KCNQ5: variants seen among roughly 807,000 people sequenced by gnomAD.
KCNQ5 encodes the protein potassium voltage-gated channel subfamily KQT member 5.
A neutral mutation model predicts 98.2 loss-of-function variants in KCNQ5; 30 were observed. The observed-to-expected ratio is 0.31, with a 90% CI of 0.23 to 0.41. KCNQ5 has a LOEUF of 0.41. Ranked by LOEUF, KCNQ5 falls within the 10% of genes least tolerant of loss-of-function variation. The pLI is 1.00. For missense variants in KCNQ5, 835 were observed against 1,182.5 expected, an observed-to-expected ratio of 0.71 and a Z score of 4.31; for synonymous variants, 458 against 449.4, an observed-to-expected ratio of 1.02 and a Z score of -0.24.
intron 1 of KCNQ5, among the ~76,000 whole-genome samples, chr6:72,636,952 C>T (rs1341637144): frequency 6.6e-6 from 1 of 152,142 alleles, no homozygotes; most frequent in African/African-American, 2.4e-5. Context: ...TTCTCTTGAC[C>T]CCTTGGGAAA....
intron 1 of KCNQ5, among the ~76,000 whole-genome samples, chr6:72,780,761 A>G (rs1393936914): frequency 6.6e-6 from 1 of 152,180 alleles, no homozygotes; most frequent in Admixed American, 6.5e-5. Flanking sequence ...GAGTTTTGCA[A>G]ACATGATCAT....
At chr6:72,695,676 A>G (rs1342205059) in intron 1 of KCNQ5, among the ~76,000 whole-genome samples, 1 of 152,048 alleles carries the variant, frequency 6.6e-6, no homozygotes, top group Admixed American at 6.6e-5. Flanking sequence ...ATGATTTTAT[A>G]TAAATATATA....
intron 3 of KCNQ5, among the ~76,000 whole-genome samples, chr6:73,057,011 A>G (rs1399047320): frequency 6.6e-6 from 1 of 152,214 alleles, no homozygotes; most frequent in Non-Finnish European, 1.5e-5. Flanking sequence ...TCATGCTGCT[A>G]TAAAGACACA....
At chr6:72,869,238 A>G (rs561772589) in intron 1 of KCNQ5, among the ~76,000 whole-genome samples, 3 of 152,186 alleles carry the variant, frequency 2.0e-5, no homozygotes, top group South Asian at 4.1e-4. Context: ...GTGCTTACCT[A>G]TAGTGCAGGA....
At chr6:72,710,317 C>T (rs988980884) in intron 1 of KCNQ5, among the ~76,000 whole-genome samples, 1 of 152,210 alleles carries the variant, frequency 6.6e-6, no homozygotes, top group East Asian at 1.9e-4. Context: ...TAAGTTCTTA[C>T]CATTCAGTAA....
At chr6:72,635,045 T>G (rs1024352030) in intron 1 of KCNQ5, among the ~76,000 whole-genome samples, 1 of 151,758 alleles carries the variant, frequency 6.6e-6, no homozygotes. Context: ...TTTTTTTTTT[T>G]TTTGAGACAG....
At chr6:72,776,549 A>G (rs1444185319) in intron 1 of KCNQ5, among the ~76,000 whole-genome samples, 2 of 152,216 alleles carry the variant, frequency 1.3e-5, no homozygotes, top group African/African-American at 2.4e-5. Context: ...CAACAAATAT[A>G]ATACAAGCAT....
intron 1 of KCNQ5, among the ~76,000 whole-genome samples, chr6:72,722,851 T>A (rs1305555000): frequency 6.9e-6 from 1 of 145,872 alleles, no homozygotes; most frequent in African/African-American, 2.5e-5. Context: ...TTGGTTGACT[T>A]TTTTTTTTTT....
intron 2 of KCNQ5, among the ~76,000 whole-genome samples, chr6:73,028,618 A>T (rs566892972): frequency 2.0e-5 from 3 of 152,334 alleles, no homozygotes; most frequent in African/African-American, 7.2e-5. Flanking sequence ...CATGCTGCTT[A>T]GGAAAGAGTA....
intron 1 of KCNQ5, among the ~76,000 whole-genome samples, chr6:72,849,160 G>A (rs1562022802): frequency 6.6e-6 from 1 of 151,504 alleles, no homozygotes; most frequent in Non-Finnish European, 1.5e-5. Context: ...ACACGCACAT[G>A]CACACCAGAT....
chr6:72,699,548 C>A (rs982791847), intron 1 of KCNQ5, among the ~76,000 whole-genome samples: 16 of 152,104 alleles, frequency 1.1e-4, no homozygotes, highest in African/African-American at 3.9e-4. Context: ...CTGCTTATAT[C>A]AAGTTAATTA....
At chr6:72,894,864 T>C (rs1702213002) in intron 1 of KCNQ5, among the ~76,000 whole-genome samples, 2 of 152,044 alleles carry the variant, frequency 1.3e-5, no homozygotes, top group Admixed American at 1.3e-4. Flanking sequence ...ATTGATCTCA[T>C]AGGAAGTAAA....
chr6:73,033,783 T>G (rs913046630), intron 2 of KCNQ5, among the ~76,000 whole-genome samples: 1 of 149,510 alleles, frequency 6.7e-6, no homozygotes, highest in Non-Finnish European at 1.5e-5. Context: ...TGTCACGCTC[T>G]CACAACCACC....
At chr6:72,847,769 A>G (rs1366900334) in intron 1 of KCNQ5, among the ~76,000 whole-genome samples, 2 of 152,196 alleles carry the variant, frequency 1.3e-5, no homozygotes, top group African/African-American at 4.8e-5. Flanking sequence ...AAACTTTCAG[A>G]GAAGGAAAAA....
intron 1 of KCNQ5, among the ~76,000 whole-genome samples, chr6:72,731,466 C>T (rs544152976): frequency 5.3e-5 from 8 of 152,322 alleles, no homozygotes; most frequent in Non-Finnish European, 8.8e-5. Context: ...TGGGTATAGG[C>T]ATTCCAACAC....
intron 10 of KCNQ5, among the ~76,000 whole-genome samples, chr6:73,159,043 C>A (rs886633081): frequency 1.3e-4 from 20 of 152,160 alleles, no homozygotes; most frequent in Admixed American, 3.9e-4. Flanking sequence ...AGGAAACTTA[C>A]CTTGTATAAA....
chr6:72,862,395 T>A (rs1243809883), intron 1 of KCNQ5, among the ~76,000 whole-genome samples: 1 of 152,164 alleles, frequency 6.6e-6, no homozygotes, highest in African/African-American at 2.4e-5. Context: ...CACTAGCAAA[T>A]AACTTGCTTC....
chr6:72,723,926 A>C (rs961548503), intron 1 of KCNQ5, among the ~76,000 whole-genome samples: 1 of 152,200 alleles, frequency 6.6e-6, no homozygotes, highest in Non-Finnish European at 1.5e-5. Flanking sequence ...ATGAGCTACT[A>C]TGCTAAAAGT....
At chr6:73,136,074 T>C (rs1268672287) in intron 10 of KCNQ5, 1 of 152,178 alleles carries the variant, frequency 6.6e-6, no homozygotes, top group Non-Finnish European at 1.5e-5. Context: ...ATTCAGCCCA[T>C]AGACAAAGCT....
Sources: gnomAD v4.1 joint callset for allele counts (sites outside exome capture counted in the v4.1 genomes callset) on GRCh38, gnomAD v4.1.1 for gene constraint, MANE v1.5 for transcripts, NCBI Gene and HGNC (gene_info 2026-07-23, HGNC 2026-07-21) for gene names.